Variants in CYREN observed in about 807,000 individuals in gnomAD.
The protein encoded by CYREN is cell cycle regulator of non-homologous end joining.
In CYREN, 7 loss-of-function variants were observed where a neutral mutation model predicts 9.7. The ratio of observed to expected loss-of-function variants is 0.72; its 90% CI spans 0.41 to 1.36. The LOEUF (loss-of-function observed/expected upper bound fraction) is 1.36. CYREN is among the 40% of genes most tolerant of loss of function. The pLI is 0.01. For missense variants in CYREN, 215 were observed against 198.1 expected (o/e 1.09, Z -0.51); for synonymous variants, 76 against 77.9 (o/e 0.98, Z 0.13).
chr7:135,172,234 A>G (rs1011143127), upstream of CYREN, among the ~76,000 whole-genome samples: 3 of 152,114 alleles, frequency 2.0e-5, no homozygotes, highest in Non-Finnish European at 4.4e-5. Context: ...ACTCCATCTG[A>G]GTGGAAACGT....
downstream of CYREN, chr7:135,164,271 C>T (rs181519334): frequency 1.8e-4 from 110 of 621,982 alleles, 1 homozygote; most frequent in Non-Finnish European, 9.3e-5. Context: ...AGGAGGTTAC[C>T]TCAGACTTCT....
At chr7:135,146,486 C>CTTTT (rs1829550555) in intron 2 of CYREN, among the ~76,000 whole-genome samples, 1 of 152,008 alleles carries the variant, frequency 6.6e-6, no homozygotes, top group Admixed American at 6.6e-5. Context: ...GCAAAAATGC[C>CTTTT]ACAAATCCTC....
At chr7:135,128,807 A>G in intron 2 of CYREN, 1 of 1,184,282 alleles carries the variant, frequency 8.4e-7, no homozygotes, top group Non-Finnish European at 1.3e-6. Flanking sequence ...GACCAAGAGG[A>G]AACTGTGGAT....
At chr7:135,158,169 G>A (rs2117449789) in intron 2 of CYREN, among the ~76,000 whole-genome samples, 1 of 152,144 alleles carries the variant, frequency 6.6e-6, no homozygotes, top group South Asian at 2.1e-4. Flanking sequence ...CCTGTGACCA[G>A]GAGGGCAGGG....
chr7:135,137,629 A>G (rs1275014064), intron 2 of CYREN, among the ~76,000 whole-genome samples: 2 of 152,102 alleles, frequency 1.3e-5, no homozygotes, highest in African/African-American at 4.8e-5. Flanking sequence ...CAGGGATAAG[A>G]ATTACATCAG....
intron 2 of CYREN, chr7:135,134,769 A>C: frequency 7.6e-7 from 1 of 1,317,246 alleles, no homozygotes; most frequent in Non-Finnish European, 1.0e-6. Context: ...TATTTATACT[A>C]TGACAACATA....
chr7:135,121,129 C>T (rs557445200), intron 2 of CYREN, among the ~76,000 whole-genome samples: 5 of 152,078 alleles, frequency 3.3e-5, no homozygotes, highest in East Asian at 1.9e-4. Context: ...CACTTGAACC[C>T]GGGAGGTGGA....
At chr7:135,123,912 A>G (rs1322325636) in intron 2 of CYREN, among the ~76,000 whole-genome samples, 2 of 152,216 alleles carry the variant, frequency 1.3e-5, no homozygotes, top group Admixed American at 6.5e-5. Context: ...ATGAAAAACA[A>G]AAACCAGTAC....
In CYREN at chr7:135,166,890, C is replaced by G; in HGVS notation, c.214-19G>C. On this transcript the variant is annotated intron_variant, in intron 3 of 3. Transcript: ENST00000393114. ...TGCGGCTCTGTGGAGTACGGGAAAA[C>G]GCAGGCTCAACATACGTGTTTTATT... 6.2e-7 allele frequency: 1 copy of G among 1,607,946 alleles called. No individual in the cohort carries two copies. The highest frequency in any genetic ancestry group is 8.5e-7 in the Non-Finnish European group (1 of 1,175,526).
chr7:135,132,826 C>A (rs1339768188), intron 2 of CYREN, among the ~76,000 whole-genome samples: 1 of 152,144 alleles, frequency 6.6e-6, no homozygotes, highest in Non-Finnish European at 1.5e-5. Context: ...GTCAATTAAA[C>A]CTTTTTCCTT....
chr7:135,101,194 A>G (rs1413619130), intron 2 of CYREN: 1 of 456,114 alleles, frequency 2.2e-6, no homozygotes, highest in Non-Finnish European at 4.4e-6. Flanking sequence ...TTGTATGGAA[A>G]CTGTTTCAAA....
At chr7:135,126,256 G>C (rs984563723) in intron 2 of CYREN, among the ~76,000 whole-genome samples, 1 of 152,052 alleles carries the variant, frequency 6.6e-6, no homozygotes, top group East Asian at 1.9e-4. Context: ...ACATAGATAA[G>C]CAGAGAGCCA....
At chr7:135,167,584 C>T (rs1472835504) in intron 3 of CYREN, 148 bp downstream of exon 3, 90 of 1,459,768 alleles carry the variant, frequency 6.2e-5, no homozygotes, top group Non-Finnish European at 8.1e-5. Flanking sequence ...GCCTGGGCAG[C>T]ATGGCCGAGA....
chr7:135,102,946 C>CTT (rs913818530), intron 2 of CYREN, among the ~76,000 whole-genome samples: 1 of 152,084 alleles, frequency 6.6e-6, no homozygotes, highest in Non-Finnish European at 1.5e-5. Context: ...AAATCATTCT[C>CTT]TTTAAAAGAC....
chr7:135,136,132 A>G (rs1038904574), intron 2 of CYREN, among the ~76,000 whole-genome samples: 18 of 152,078 alleles, frequency 1.2e-4, no homozygotes, highest in Non-Finnish European at 2.6e-4. Context: ...CAGAAAACAG[A>G]ATCAAGCAGC....
intron 2 of CYREN, among the ~76,000 whole-genome samples, chr7:135,147,605 G>A (rs929450472): frequency 3.9e-5 from 6 of 152,132 alleles, no homozygotes; most frequent in African/African-American, 1.4e-4. Context: ...AGAATGCTCA[G>A]GACACAAAGT....
At chr7:135,169,782 G>A (rs1480382240) in intron 1 of CYREN, among the ~76,000 whole-genome samples, 1 of 152,198 alleles carries the variant, frequency 6.6e-6, no homozygotes, top group African/African-American at 2.4e-5. Context: ...TAGGAATCAA[G>A]CCAGAAGCTC....
intron 2 of CYREN, among the ~76,000 whole-genome samples, chr7:135,096,622 T>TAGATAGATAGAC (rs1822854289): frequency 6.8e-6 from 1 of 147,810 alleles, no homozygotes; most frequent in Admixed American, 6.8e-5. Flanking sequence ...GATAGATAGA[T>TAGATAGATAGAC]AGGGCTATTC....
At chr7:135,115,364 T>C in intron 2 of CYREN, 1 of 1,479,088 alleles carries the variant, frequency 6.8e-7, no homozygotes, top group Non-Finnish European at 9.2e-7. Flanking sequence ...TACATATTTT[T>C]GTGGTTGCTC....
Sources: gnomAD v4.1 joint callset for allele counts (sites outside exome capture counted in the v4.1 genomes callset) on GRCh38, gnomAD v4.1.1 for gene constraint, MANE v1.5 for transcripts, NCBI Gene and HGNC (gene_info 2026-07-23, HGNC 2026-07-21) for gene names.